Variants in MANF observed in about 807,000 individuals in gnomAD.
MANF encodes the protein mesencephalic astrocyte derived neurotrophic factor.
MANF carries 9 observed loss-of-function variants against 19.1 expected under a neutral mutation model. That is an observed-to-expected ratio of 0.47 (90% CI 0.28 to 0.82). MANF has a LOEUF of 0.82. Among genes scored for constraint, MANF ranks in the 40% least tolerant of loss-of-function variants. The pLI, the probability that MANF is intolerant of heterozygous loss-of-function variation, is 0.10. For missense variants in MANF, 225 were observed against 226.7 expected (o/e 0.99, Z 0.05); for synonymous variants, 89 against 88.0 (o/e 1.01, Z -0.06).
Position 51,389,193 on chromosome 3 carries a change from C to A in MANF, c.*104C>A. 1.0e-6 allele frequency: 1 copy of A among 998,580 alleles called. No homozygotes were observed. The highest frequency in any genetic ancestry group is 1.5e-6 in the Non-Finnish European group (1 of 672,372). The allele number at this position is 998,580 out of a possible 1,614,324, so 61.9% of individuals were successfully genotyped here. A position where few individuals can be genotyped will look rare whatever the true frequency, so the allele number is the denominator to read the frequency against. ...TTTTTTAAGTGGGCTCCTGACAATA[C>A]TGTATCAGATGTGAAGCCTGGAGCT... On this transcript the variant is annotated 3_prime_UTR_variant, in exon 4 of 4. Transcript: ENST00000528157.
Position 51,385,332 on chromosome 3 carries a change from G to T in MANF, c.-11G>T, listed in dbSNP as rs868985028. On this transcript the variant is annotated 5_prime_UTR_variant, in exon 1 of 4. The change creates a new upstream start codon in the 5' untranslated region. Transcript: ENST00000528157. ...CAGCGGAGGAGGAGGAGGAGGAGGA[G>T]GATGAGGAGGATGAGGAGGATGTGG... 6.3e-6 allele frequency: 7 copies of T among 1,107,462 alleles called. No individual in the cohort carries two copies. The highest frequency in any genetic ancestry group is 4.4e-5 in the Admixed American group (1 of 22,570). 68.6% of individuals were successfully genotyped at this position (1,107,462 alleles called of 1,614,324 possible). A position where few individuals can be genotyped will look rare whatever the true frequency, so the allele number is the denominator to read the frequency against.
intron 1 of MANF, 191 bp downstream of exon 1, chr3:51,385,627 A>G (rs2110700320): frequency 5.2e-6 from 2 of 386,768 alleles, no homozygotes; most frequent in East Asian, 7.4e-5. Context: ...TTGGGCCTAG[A>G]AAACATTGGT....
In MANF at chr3:51,389,181, C is replaced by G; in HGVS notation, c.*92C>G. On this transcript the variant is annotated 3_prime_UTR_variant, in exon 4 of 4. Coordinates refer to ENST00000528157, the MANE Select transcript of MANF (RefSeq NM_006010.6). Reference sequence around the variant, plus strand: ...TTTTGTAATTTATTTTTTAAGTGGGCTCCTGACAATACTGTATCAGATGTG... The same window carrying G: ...TTTTGTAATTTATTTTTTAAGTGGGGTCCTGACAATACTGTATCAGATGTG... The G allele has an allele frequency of 2.6e-6, 3 of 1,134,974 alleles. No homozygotes were observed. Among genetic ancestry groups the G allele is most frequent in the Non-Finnish European group, 3.8e-6 (3 of 787,206 alleles). 70.3% of individuals were successfully genotyped at this position (1,134,974 alleles called of 1,614,324 possible).
In MANF at chr3:51,389,250, A is replaced by G; in HGVS notation, c.*161A>G. On this transcript the variant is annotated 3_prime_UTR_variant, in exon 4 of 4. Coordinates refer to ENST00000528157, the MANE Select transcript of MANF (RefSeq NM_006010.6). ...ATGATGCTGGCCCTACAGTACCCCC[A>G]TGAGGGGATTCCCTTCCTTCTGTTG... The G allele has an allele frequency of 1.7e-6, 1 of 593,980 alleles. No individual in the cohort carries two copies. The highest frequency in any genetic ancestry group is 2.9e-6 in the Non-Finnish European group (1 of 349,646). 36.8% of individuals were successfully genotyped at this position (593,980 alleles called of 1,614,324 possible). A position where few individuals can be genotyped will look rare whatever the true frequency, so the allele number is the denominator to read the frequency against.
chr3:51,386,323 A>G lies in MANF; in HGVS notation c.210A>G (p.Lys70=), dbSNP rs1020990812. The change falls in exon 2 of 4, where the codon AAA becomes AAG. Residue 70 remains lysine (K), a synonymous_variant. Coordinates refer to ENST00000528157, the MANE Select transcript of MANF (RefSeq NM_006010.6). ...LIKFCREARG[K]ENRLCYYIGA... is the part of the protein sequence containing the mutation. ...AGTTCTGCCGGGAAGCAAGAGGCAA[A>G]GAGAATCGGTTGGTAAGTAGCTGGT... 2 of 1,613,916 alleles carry G rather than the reference A, an allele frequency of 1.2e-6. No individual in the cohort carries two copies. Among genetic ancestry groups the G allele is most frequent in the Non-Finnish European group, 1.7e-6 (2 of 1,179,822 alleles).
rs781981419 is a variant in MANF at position 51,386,266 on chromosome 3, C to T, written c.153C>T (p.Phe51=). Residue 51 remains phenylalanine (F), a synonymous_variant, in exon 2 of 4, where the codon TTC becomes TTT. Coordinates refer to ENST00000528157, the MANE Select transcript of MANF (RefSeq NM_006010.6). ...ACCTCAAAGACAGAGATGTCACATT[C>T]TCACCAGCCACTATTGAAAACGAAC... is the stretch of plus-strand genomic sequence containing the variant. ...YQDLKDRDVT[F]SPATIENELI... The T allele has an allele frequency of 1.2e-6, 2 of 1,613,840 alleles. No individual in the cohort carries two copies. The highest frequency in any genetic ancestry group is 1.1e-5 in the South Asian group (1 of 91,066).
intron 2 of MANF, 175 bp from the exon 3 acceptor site, chr3:51,387,562 A>G (rs1559453409): frequency 1.7e-6 from 1 of 585,192 alleles, no homozygotes; most frequent in Admixed American, 2.9e-5. Flanking sequence ...CACCCAACAG[A>G]TTGAAGCTGC....
At chr3:51,386,619 G>T (rs2088964843) in intron 2 of MANF, among the ~76,000 whole-genome samples, 1 of 152,218 alleles carries the variant, frequency 6.6e-6, no homozygotes, top group African/African-American at 2.4e-5. Context: ...CACAAATAAT[G>T]CAATGTCTGG....
rs1183089917 is a variant in MANF, at chr3:51,389,209, G to GC, written c.*122dup. The GC allele has an allele frequency of 2.4e-6, 2 of 847,600 alleles. No individual in the cohort carries two copies. The highest frequency in any genetic ancestry group is 1.7e-5 in the African/African-American group (1 of 57,926). 52.5% of individuals were successfully genotyped at this position (847,600 alleles called of 1,614,324 possible). The stretch of plus-strand genomic sequence containing the variant: ...CTGACAATACTGTATCAGATGTGAA[G>GC]CCTGGAGCTTTCCTGATGATGCTGG... On this transcript the variant is annotated 3_prime_UTR_variant, in exon 4 of 4. Coordinates refer to ENST00000528157, the MANE Select transcript of MANF (RefSeq NM_006010.6).
chr3:51,387,638 G>A, intron 2 of MANF, 99 bp from the exon 3 acceptor site: 2 of 1,191,230 alleles, frequency 1.7e-6, no homozygotes, highest in South Asian at 1.4e-5. Context: ...CAAAACACAA[G>A]TAAGGCCCTA....
intron 1 of MANF, chr3:51,385,771 G>C: frequency 3.5e-6 from 1 of 289,792 alleles, no homozygotes; most frequent in Non-Finnish European, 6.4e-6. Flanking sequence ...AGGGCTGGCC[G>C]TGGGTGCTGC....
In MANF at chr3:51,385,333, G is replaced by T. The variant is rs1553620667; in HGVS notation, c.-10G>T. The stretch of plus-strand genomic sequence containing the variant: ...AGCGGAGGAGGAGGAGGAGGAGGAG[G>T]ATGAGGAGGATGAGGAGGATGTGGG... On this transcript the variant is annotated 5_prime_UTR_variant, in exon 1 of 4. Coordinates refer to ENST00000528157, the MANE Select transcript of MANF (RefSeq NM_006010.6). 1 of 1,086,510 alleles carries T rather than the reference G, an allele frequency of 9.2e-7. No individual in the cohort carries two copies. The allele number at this position is 1,086,510 out of a possible 1,614,324, so 67.3% of individuals were successfully genotyped here. A position where few individuals can be genotyped will look rare whatever the true frequency, so the allele number is the denominator to read the frequency against.
intron 1 of MANF, chr3:51,385,810 A>C (rs957613737): frequency 2.5e-5 from 7 of 279,498 alleles, no homozygotes; most frequent in Non-Finnish European, 4.0e-5. Flanking sequence ...ACGAAGCTGC[A>C]CCTCTGGGTC....
At chr3:51,388,414 A>G (rs2088983765) in intron 3 of MANF, among the ~76,000 whole-genome samples, 1 of 152,216 alleles carries the variant, frequency 6.6e-6, no homozygotes, top group African/African-American at 2.4e-5. Context: ...GTCTTCAGAA[A>G]CAGTCAGGGC....
chr3:51,387,212 T>C (rs1470281833), intron 2 of MANF, among the ~76,000 whole-genome samples: 3 of 152,210 alleles, frequency 2.0e-5, no homozygotes, highest in African/African-American at 7.2e-5. Flanking sequence ...CTCAGCACTT[T>C]GGGAGACCGA....
In MANF at chr3:51,387,621, C is replaced by T. The variant is rs560217736; in HGVS notation, c.223-116C>T. The stretch of plus-strand genomic sequence containing the variant: ...CATTCCAGCCTGGGTGACAGGGAGC[C>T]CTATCTCAAAACACAAGTAAGGCCC... On this transcript the variant is annotated intron_variant, in intron 2 of 3. Transcript: ENST00000528157. The T allele has an allele frequency of 2.0e-5, 19 of 949,552 alleles. No homozygotes were observed. In the South Asian group the frequency reaches 3.0e-4, roughly 15 times the overall value. 58.8% of individuals were successfully genotyped at this position (949,552 alleles called of 1,614,324 possible). A position where few individuals can be genotyped will look rare whatever the true frequency, so the allele number is the denominator to read the frequency against.
At chr3:51,385,504 T>C (rs1553620749) in intron 1 of MANF, 68 bp downstream of exon 1, 4 of 251,414 alleles carry the variant, frequency 1.6e-5, no homozygotes, top group Admixed American at 1.0e-4. Context: ...CCCCACAACA[T>C]CACCAGACGG....
In MANF at chr3:51,385,328, A is replaced by T. The variant is rs1413835157; in HGVS notation, c.-15A>T. Reference sequence around the variant, plus strand: ...GCGGCAGCGGAGGAGGAGGAGGAGGAGGAGGATGAGGAGGATGAGGAGGAT... The same window carrying T: ...GCGGCAGCGGAGGAGGAGGAGGAGGTGGAGGATGAGGAGGATGAGGAGGAT... On this transcript the variant is annotated 5_prime_UTR_variant, in exon 1 of 4. Transcript: ENST00000528157. The T allele has an allele frequency of 5.5e-6, 6 of 1,096,928 alleles. No individual in the cohort carries two copies. The highest frequency in any genetic ancestry group is 6.9e-6 in the Non-Finnish European group (6 of 866,134). The allele number at this position is 1,096,928 out of a possible 1,614,324, so 67.9% of individuals were successfully genotyped here.
chr3:51,385,612 C>T, intron 1 of MANF, 176 bp downstream of exon 1: 1 of 390,612 alleles, frequency 2.6e-6, no homozygotes, highest in Non-Finnish European at 4.5e-6. Flanking sequence ...CCTAGTAAAT[C>T]TTTCTTGGGC....
Sources: gnomAD v4.1 joint callset for allele counts (sites outside exome capture counted in the v4.1 genomes callset) on GRCh38, gnomAD v4.1.1 for gene constraint, MANE v1.5 for transcripts, NCBI Gene and HGNC (gene_info 2026-07-23, HGNC 2026-07-21) for gene names.